The following ECHDC1 variants were observed in gnomAD, a reference collection of about 807,000 sequenced individuals.
The protein encoded by ECHDC1 is ethylmalonyl-CoA decarboxylase 1.
Under a neutral mutation model 29.7 loss-of-function variants are expected in ECHDC1, and 29 were observed. That is an observed-to-expected ratio of 0.98 (90% CI 0.73 to 1.33). The LOEUF (loss-of-function observed/expected upper bound fraction) is 1.33. ECHDC1 is among the 40% of genes most tolerant of loss of function. The probability of loss-of-function intolerance (pLI) is 0.00; values close to 1 mark genes in which losing one functional copy is unlikely to be tolerated. For missense variants in ECHDC1, 328 were observed against 350.0 expected (o/e 0.94, Z 0.50); for synonymous variants, 126 against 123.1 (o/e 1.02, Z -0.15).
At chr6:127,331,153 T>A in intron 1 of ECHDC1, 123 bp from the exon 2 acceptor site, 2 of 88,340 alleles carry the variant, frequency 2.3e-5, no homozygotes, top group Non-Finnish European at 3.4e-5. Flanking sequence ...CCCCATTTCT[T>A]TTTTTTTTTT....
intron 5 of ECHDC1, among the ~76,000 whole-genome samples, chr6:127,309,730 C>G (rs1472710499): frequency 6.6e-6 from 1 of 152,144 alleles, no homozygotes; most frequent in Non-Finnish European, 1.5e-5. Flanking sequence ...TTAATTGACT[C>G]ATAGTTCCAC....
chr6:127,307,759 GA>G (rs35725675), intron 5 of ECHDC1, among the ~76,000 whole-genome samples: 6 of 137,688 alleles, frequency 4.4e-5, no homozygotes, highest in South Asian at 2.3e-4. Flanking sequence ...GACTAACAAA[GA>G]AAAAAAAAAA....
chr6:127,292,216 T>C (rs965237014), intron 5 of ECHDC1, among the ~76,000 whole-genome samples: 2 of 151,998 alleles, frequency 1.3e-5, no homozygotes, highest in African/African-American at 4.8e-5. Flanking sequence ...CAGCTGAACA[T>C]AAAAACTGGT....
chr6:127,302,498 C>T (rs1301214027), intron 5 of ECHDC1, among the ~76,000 whole-genome samples: 1 of 151,888 alleles, frequency 6.6e-6, no homozygotes, highest in African/African-American at 2.4e-5. Flanking sequence ...CTCCCGGGTT[C>T]AAGTGATTCT....
intron 2 of ECHDC1, among the ~76,000 whole-genome samples, chr6:127,328,715 C>T (rs768776372): frequency 2.6e-5 from 4 of 152,126 alleles, no homozygotes; most frequent in Non-Finnish European, 5.9e-5. Context: ...GGCCTTTAAT[C>T]ACTCATAATA....
intron 1 of ECHDC1, among the ~76,000 whole-genome samples, chr6:127,334,164 T>C (rs1217466091): frequency 6.6e-6 from 1 of 152,150 alleles, no homozygotes; most frequent in African/African-American, 2.4e-5. Flanking sequence ...CTAACAGAAA[T>C]GCAATCCCTT....
chr6:127,316,939 T>C (rs539217197), intron 3 of ECHDC1, among the ~76,000 whole-genome samples: 1 of 152,296 alleles, frequency 6.6e-6, no homozygotes, highest in East Asian at 1.9e-4. Context: ...CCACAACTTA[T>C]AATTTTCACA....
intron 5 of ECHDC1, among the ~76,000 whole-genome samples, chr6:127,302,091 A>G (rs1582941257): frequency 6.6e-6 from 1 of 152,346 alleles, no homozygotes; most frequent in East Asian, 1.9e-4. Context: ...ATGAAGCTCT[A>G]GGATGCATTA....
At chr6:127,330,608 A>T (rs1283022733) in intron 2 of ECHDC1, among the ~76,000 whole-genome samples, 1 of 152,228 alleles carries the variant, frequency 6.6e-6, no homozygotes, top group Non-Finnish European at 1.5e-5. Flanking sequence ...TTCTGAAAAC[A>T]TTCAAATATC....
At chr6:127,309,979 T>C (rs895266458) in intron 5 of ECHDC1, among the ~76,000 whole-genome samples, 1 of 152,020 alleles carries the variant, frequency 6.6e-6, no homozygotes, top group African/African-American at 2.4e-5. Flanking sequence ...TCCTCCAAAA[T>C]TGAGGATTAC....
chr6:127,293,282 AAC>A (rs1490602621), intron 5 of ECHDC1, among the ~76,000 whole-genome samples: 3 of 152,174 alleles, frequency 2.0e-5, no homozygotes, highest in African/African-American at 7.2e-5. Context: ...GTTGCAAAAA[AAC>A]AGCCTTTTTG....
At chr6:127,331,108 T>C (rs1378913869) in intron 1 of ECHDC1, 78 bp from the exon 2 acceptor site, 5 of 1,090,124 alleles carry the variant, frequency 4.6e-6, no homozygotes, top group Non-Finnish European at 5.4e-6. Flanking sequence ...TAATAGGCTG[T>C]AGTAATGGAC....
chr6:127,323,190 G>A (rs984521267), intron 3 of ECHDC1, among the ~76,000 whole-genome samples: 1 of 151,970 alleles, frequency 6.6e-6, no homozygotes, highest in African/African-American at 2.4e-5. Flanking sequence ...ATATATATAT[G>A]TAAATATTCC....
chr6:127,338,608 G>C (rs747123698), intron 1 of ECHDC1, among the ~76,000 whole-genome samples: 18 of 151,976 alleles, frequency 1.2e-4, no homozygotes, highest in African/African-American at 3.6e-4. Context: ...CTCTGCTAGG[G>C]AGTAAAGTAA....
intron 3 of ECHDC1, among the ~76,000 whole-genome samples, chr6:127,320,612 T>C (rs1782757111): frequency 6.6e-6 from 1 of 152,218 alleles, no homozygotes; most frequent in Non-Finnish European, 1.5e-5. Flanking sequence ...GCACTTTGAT[T>C]ACTTATTCCC....
chr6:127,311,396 A>G (rs1318436770), intron 5 of ECHDC1, among the ~76,000 whole-genome samples: 1 of 152,246 alleles, frequency 6.6e-6, no homozygotes, highest in East Asian at 1.9e-4. Flanking sequence ...ACTGGGGGCC[A>G]GGCGTGGTGG....
intron 5 of ECHDC1, among the ~76,000 whole-genome samples, chr6:127,309,480 AACACACAC>A (rs58621326): frequency 0.046 from 6,284 of 137,708 alleles, 240 homozygotes; most frequent in African/African-American, 0.079. Context: ...CAAACAACAA[AACACACAC>A]ACACACACAC....
At chr6:127,316,267 T>C (rs1278005730) in intron 4 of ECHDC1, 183 bp downstream of exon 4, 1 of 544,348 alleles carries the variant, frequency 1.8e-6, no homozygotes, top group Admixed American at 3.4e-5. Context: ...AAAATACATA[T>C]GTATATACTT....
At chr6:127,295,901 T>TA (rs1356179936) in intron 5 of ECHDC1, among the ~76,000 whole-genome samples, 1 of 152,214 alleles carries the variant, frequency 6.6e-6, no homozygotes, top group African/African-American at 2.4e-5. Context: ...GATCAGGTGT[T>TA]ACCTCAAATC....
Sources: gnomAD v4.1 joint callset for allele counts (sites outside exome capture counted in the v4.1 genomes callset) on GRCh38, gnomAD v4.1.1 for gene constraint, MANE v1.5 for transcripts, NCBI Gene and HGNC (gene_info 2026-07-23, HGNC 2026-07-21) for gene names.